Variants in CST4 observed in about 807,000 individuals in gnomAD.
The protein encoded by CST4 is cystatin-S.
In CST4, 17 loss-of-function variants were observed where a neutral mutation model predicts 11.2. That is an observed-to-expected ratio of 1.52 (90% CI 1.04 to 2.27). The LOEUF (loss-of-function observed/expected upper bound fraction) is 2.27, where lower values mean the gene tolerates loss of function less well. Among genes scored for constraint, CST4 ranks in the 30% most tolerant of loss-of-function variants. The pLI is 0.00. For missense variants in CST4, 251 were observed against 180.2 expected, an observed-to-expected ratio of 1.39 and a Z score of -2.25; for synonymous variants, 93 against 70.1, an observed-to-expected ratio of 1.33 and a Z score of -1.63.
chr20:23,686,288 G>A (rs2405672), intron 2 of CST4, among the ~76,000 whole-genome samples: 1 of 152,160 alleles, frequency 6.6e-6, no homozygotes, highest in Non-Finnish European at 1.5e-5. Flanking sequence ...ATGGGGAGGT[G>A]GCTCAGTTCC....
intron 1 of CST4, 98 bp downstream of exon 1, chr20:23,688,644 C>T: frequency 8.9e-7 from 1 of 1,123,566 alleles, no homozygotes; most frequent in South Asian, 1.4e-5. Flanking sequence ...AGCATTAGAT[C>T]ATGAATGTGT....
chr20:23,686,357 C>T (rs1981040794), intron 2 of CST4, among the ~76,000 whole-genome samples: 1 of 152,150 alleles, frequency 6.6e-6, no homozygotes, highest in African/African-American at 2.4e-5. Context: ...GAGGGAAGAA[C>T]CCAGGGCAGG....
At position 23,688,748 on chromosome 20, in the gene CST4, C is replaced by T; in HGVS notation, c.222G>A (p.Arg74=). ...YRRPLQVLRA[R]EQTFGGVNYF... Reference sequence around the variant, plus strand: ...GGGTGGAGGCAGCACCCACCTGCTCCCTGGCTCGCAGCACCTGCAGCGGGC... The same window carrying T: ...GGGTGGAGGCAGCACCCACCTGCTCTCTGGCTCGCAGCACCTGCAGCGGGC... The change falls in exon 1 of 3, where the codon AGG becomes AGA. Residue 74 remains arginine (R), a synonymous_variant. Transcript: ENST00000217423. The T allele has an allele frequency of 6.2e-7, 1 of 1,614,126 alleles. No individual in the cohort carries two copies. Among genetic ancestry groups the T allele is most frequent in the Non-Finnish European group, 8.5e-7 (1 of 1,180,004 alleles).
At chr20:23,686,547 C>T (rs1347889287) in intron 2 of CST4, among the ~76,000 whole-genome samples, 1 of 152,084 alleles carries the variant, frequency 6.6e-6, no homozygotes, top group African/African-American at 2.4e-5. Context: ...CTGATTGTGG[C>T]TTTGGCTGCA....
intron 1 of CST4, 53 bp from the exon 2 acceptor site, chr20:23,687,254 A>G (rs1243823951): frequency 1.3e-6 from 2 of 1,573,706 alleles, no homozygotes; most frequent in Admixed American, 3.3e-5. Flanking sequence ...CAGTTCATGC[A>G]CTCACAGGCA....
At chr20:23,687,949 T>C (rs888064562) in intron 1 of CST4, among the ~76,000 whole-genome samples, 2 of 152,222 alleles carry the variant, frequency 1.3e-5, no homozygotes, top group Admixed American at 6.5e-5. Context: ...GTGCACCTCC[T>C]GTGCAGGGTG....
At position 23,688,910 on chromosome 20, in the gene CST4, G is replaced by A; in HGVS notation, c.60C>T (p.Ala20=). The change falls in exon 1 of 3, where the codon GCC becomes GCT. Residue 20 remains alanine (A), a synonymous_variant. Transcript: ENST00000217423. ...LLMATLAGAL[A]SSSKEENRII... ...TCCTATTCTCCTCCTTGGAGCTCGA[G>A]GCCAGAGCCCCAGCCAGGGTAGCCA... 1 of 1,614,208 alleles carries A rather than the reference G, an allele frequency of 6.2e-7. No homozygotes were observed. Among genetic ancestry groups the A allele is most frequent in the Non-Finnish European group, 8.5e-7 (1 of 1,180,030 alleles).
At position 23,685,749 on chromosome 20, in the gene CST4, G is replaced by C; in HGVS notation, c.*145C>G. On this transcript the variant is annotated 3_prime_UTR_variant, in exon 3 of 3. Transcript: ENST00000217423. ...GCAGAGCGCCCTGCTGAGCAACAAA[G>C]GACTCCTGCAGCCTTCTCTGTCTGT... is the stretch of plus-strand genomic sequence containing the variant. 1.3e-6 allele frequency: 1 copy of C among 758,986 alleles called. No homozygotes were observed. Among genetic ancestry groups the C allele is most frequent in the South Asian group, 1.7e-5 (1 of 57,622 alleles). The allele number at this position is 758,986 out of a possible 1,614,324, so 47.0% of individuals were successfully genotyped here. A position where few individuals can be genotyped will look rare whatever the true frequency, so the allele number is the denominator to read the frequency against.
intron 1 of CST4, among the ~76,000 whole-genome samples, chr20:23,688,152 T>C (rs1241726830): frequency 6.6e-6 from 1 of 152,232 alleles, no homozygotes; most frequent in Non-Finnish European, 1.5e-5. Flanking sequence ...GCTGGGTGAC[T>C]GCTGTCCTCA....
intron 2 of CST4, 53 bp downstream of exon 2, chr20:23,687,035 T>G: frequency 6.2e-7 from 1 of 1,607,600 alleles, no homozygotes; most frequent in Non-Finnish European, 8.5e-7. Flanking sequence ...GGCTGACACA[T>G]ACGCACCCCT....
chr20:23,687,496 A>G (rs1319086784), intron 1 of CST4, among the ~76,000 whole-genome samples: 15 of 152,196 alleles, frequency 9.9e-5, no homozygotes, highest in Admixed American at 9.8e-4. Context: ...TCTGATGACA[A>G]AATTTCAGCT....
chr20:23,687,325 C>T, intron 1 of CST4, 124 bp from the exon 2 acceptor site: 1 of 814,998 alleles, frequency 1.2e-6, no homozygotes, highest in Non-Finnish European at 2.1e-6. Context: ...CACATGTCAA[C>T]ACAAGGCACA....
At chr20:23,688,123 C>G (rs185528495) in intron 1 of CST4, among the ~76,000 whole-genome samples, 34 of 152,352 alleles carry the variant, frequency 2.2e-4, no homozygotes, top group Admixed American at 1.6e-3. Flanking sequence ...CACTCTGGAC[C>G]TAACCCCTCC....
At chr20:23,686,227 C>A (rs1981036940) in intron 2 of CST4, among the ~76,000 whole-genome samples, 1 of 152,148 alleles carries the variant, frequency 6.6e-6, no homozygotes, top group African/African-American at 2.4e-5. Flanking sequence ...CCATCACAGC[C>A]CTGTGAGGAG....
rs751678247 is a variant in CST4, at chr20:23,687,190, C to G, written c.240G>C (p.Gly80=). ...VLRAREQTFG[G]VNYFFDVEVG... Reference sequence around the variant, plus strand: ...CCTCTACGTCGAAGAAGTAATTCACCCCCCCAAAGGTCTGCACACAGGAGA... The same window carrying G: ...CCTCTACGTCGAAGAAGTAATTCACGCCCCCAAAGGTCTGCACACAGGAGA... Residue 80 remains glycine (G), a synonymous_variant, in exon 2 of 3, where the codon GGG becomes GGC. Transcript: ENST00000217423. 3 of 1,613,934 alleles carry G rather than the reference C, an allele frequency of 1.9e-6. No homozygotes were observed. In the East Asian group the frequency reaches 6.7e-5, roughly 36 times the overall value.
Position 23,685,746 on chromosome 20 carries a change from A to T in CST4, c.*148T>A. 1.3e-6 allele frequency: 1 copy of T among 749,552 alleles called. No individual in the cohort carries two copies. Among genetic ancestry groups the T allele is most frequent in the South Asian group, 1.7e-5 (1 of 57,176 alleles). The allele number at this position is 749,552 out of a possible 1,614,324, so 46.4% of individuals were successfully genotyped here. A position where few individuals can be genotyped will look rare whatever the true frequency, so the allele number is the denominator to read the frequency against. On this transcript the variant is annotated 3_prime_UTR_variant, in exon 3 of 3. Coordinates refer to ENST00000217423, the MANE Select transcript of CST4 (RefSeq NM_001899.3). ...AGGGCAGAGCGCCCTGCTGAGCAACAAAGGACTCCTGCAGCCTTCTCTGTC... is the reference window on the plus strand; with the variant it reads ...AGGGCAGAGCGCCCTGCTGAGCAACTAAGGACTCCTGCAGCCTTCTCTGTC...
chr20:23,688,322 G>T (rs1362321290), intron 1 of CST4, among the ~76,000 whole-genome samples: 1 of 152,216 alleles, frequency 6.6e-6, no homozygotes, highest in East Asian at 1.9e-4. Flanking sequence ...ATGACTTGGG[G>T]AAGGAAGAAG....
chr20:23,688,291 T>G (rs1981111273), intron 1 of CST4, among the ~76,000 whole-genome samples: 1 of 152,180 alleles, frequency 6.6e-6, no homozygotes, highest in African/African-American at 2.4e-5. Flanking sequence ...CCACTAGCCC[T>G]AAGGGGCTGT....
chr20:23,686,101 C>T (rs1027966196), intron 2 of CST4, 124 bp from the exon 3 acceptor site: 7 of 960,154 alleles, frequency 7.3e-6, no homozygotes, highest in Non-Finnish European at 1.1e-5. Context: ...CTCACCCACC[C>T]CTGCTGAGTC....
Sources: gnomAD v4.1 joint callset for allele counts (sites outside exome capture counted in the v4.1 genomes callset) on GRCh38, gnomAD v4.1.1 for gene constraint, MANE v1.5 for transcripts, NCBI Gene and HGNC (gene_info 2026-07-23, HGNC 2026-07-21) for gene names.